USH2A: variants seen among roughly 807,000 people sequenced by gnomAD.
USH2A encodes the protein Usher syndrome 2A (autosomal recessive, mild).
In USH2A, 443 loss-of-function variants were observed where a neutral mutation model predicts 538.9. That is an observed-to-expected ratio of 0.82 (90% CI 0.76 to 0.89). The LOEUF (loss-of-function observed/expected upper bound fraction) is 0.89. USH2A is among the 40% of genes least tolerant of loss of function. USH2A has a pLI of 0.00. For missense variants in USH2A, 6,633 were observed against 6,324.8 expected, an observed-to-expected ratio of 1.05 and a Z score of -1.65; for synonymous variants, 2,413 against 2,273.5, an observed-to-expected ratio of 1.06 and a Z score of -1.75.
chr1:216,336,001 A>C (rs2037967174), intron 4 of USH2A, among the ~76,000 whole-genome samples: 1 of 151,564 alleles, frequency 6.6e-6, no homozygotes, highest in Non-Finnish European at 1.5e-5. Flanking sequence ...CCTTATGAAT[A>C]CAGATGCAAA....
At chr1:215,920,639 G>A (rs998429914) in intron 38 of USH2A, among the ~76,000 whole-genome samples, 1 of 151,928 alleles carries the variant, frequency 6.6e-6, no homozygotes, top group Non-Finnish European at 1.5e-5. Context: ...GAGGAGAAAA[G>A]TTTCTCAAGG....
Position 216,226,182 on chromosome 1 carries a change from A to G in USH2A, c.2993+5771T>C, listed in dbSNP as rs1243473513. On this transcript the variant is annotated intron_variant, in intron 14 of 71. Transcript: ENST00000307340. ...TCAGTTTTATTTTTGTCTTTCACTG[A>G]CCCTTTAAACATATAATATGGAGCT... Among the ~76,000 whole-genome samples, 3 of 152,034 alleles carry G rather than the reference A, an allele frequency of 2.0e-5. 1 individual carries two copies. The highest frequency in any genetic ancestry group is 7.2e-5 in the African/African-American group (3 of 41,394).
intron 21 of USH2A, among the ~76,000 whole-genome samples, chr1:216,105,422 A>G (rs938471211): frequency 1.3e-5 from 2 of 151,952 alleles, no homozygotes; most frequent in African/African-American, 4.8e-5. Flanking sequence ...TACTCGCCCC[A>G]TTGAACTGCC....
intron 64 of USH2A, among the ~76,000 whole-genome samples, chr1:215,661,182 G>A (rs1657424951): frequency 6.6e-6 from 1 of 152,180 alleles, no homozygotes; most frequent in Non-Finnish European, 1.5e-5. Flanking sequence ...GAGTGTGGGG[G>A]ACGAGCTGGT....
intron 44 of USH2A, among the ~76,000 whole-genome samples, chr1:215,850,323 A>T (rs2102827014): frequency 6.6e-6 from 1 of 152,298 alleles, no homozygotes; most frequent in African/African-American, 2.4e-5. Flanking sequence ...TATAGTCGGA[A>T]GATAAAAGCT....
intron 22 of USH2A, among the ~76,000 whole-genome samples, chr1:216,095,071 T>G (rs1334027935): frequency 6.6e-6 from 1 of 152,080 alleles, no homozygotes; most frequent in East Asian, 1.9e-4. Flanking sequence ...ATAGAAGTAT[T>G]AGTTTTGCTT....
chr1:216,152,335 C>T (rs946815733), intron 21 of USH2A, among the ~76,000 whole-genome samples: 2 of 152,160 alleles, frequency 1.3e-5, no homozygotes, highest in Non-Finnish European at 1.5e-5. Flanking sequence ...TAACTGATGA[C>T]ATTCCACCAC....
chr1:216,018,756 A>G (rs1668776622), intron 32 of USH2A, among the ~76,000 whole-genome samples: 1 of 151,982 alleles, frequency 6.6e-6, no homozygotes, highest in African/African-American at 2.4e-5. Context: ...TCTAATTTTA[A>G]AAAATATTTA....
chr1:216,386,369 C>T (rs1303060037), intron 3 of USH2A, among the ~76,000 whole-genome samples: 7 of 150,458 alleles, frequency 4.7e-5, no homozygotes, highest in East Asian at 2.0e-4. Flanking sequence ...TGGTGGCGGG[C>T]GCCTGTAGTC....
chr1:216,365,636 A>G (rs1356419835), intron 3 of USH2A, among the ~76,000 whole-genome samples: 5 of 152,154 alleles, frequency 3.3e-5, no homozygotes, highest in African/African-American at 1.2e-4. Flanking sequence ...AGACTAATCA[A>G]TCAAGCAAGT....
chr1:215,901,717 T>C (rs565966450), intron 38 of USH2A, among the ~76,000 whole-genome samples: 1 of 152,284 alleles, frequency 6.6e-6, no homozygotes, highest in African/African-American at 2.4e-5. Flanking sequence ...AACTAAAGCC[T>C]ATTCTACTAA....
intron 32 of USH2A, among the ~76,000 whole-genome samples, chr1:216,030,877 G>C (rs1200240509): frequency 6.6e-6 from 1 of 150,786 alleles, no homozygotes; most frequent in Non-Finnish European, 1.5e-5. Context: ...ATTATCAAAG[G>C]AATTTTGTCC....
At chr1:215,675,998 T>C (rs1015347047) in intron 62 of USH2A, among the ~76,000 whole-genome samples, 2 of 152,130 alleles carry the variant, frequency 1.3e-5, no homozygotes, top group Non-Finnish European at 1.5e-5. Flanking sequence ...CTGCTTCTGA[T>C]CTCATACTGA....
chr1:216,411,254 C>T (rs1222959756), intron 3 of USH2A, among the ~76,000 whole-genome samples: 2 of 152,084 alleles, frequency 1.3e-5, no homozygotes, highest in Non-Finnish European at 2.9e-5. Context: ...ACACTATTTG[C>T]TATGCATTTA....
chr1:215,892,631 C>T (rs929917038), intron 40 of USH2A, among the ~76,000 whole-genome samples: 2 of 151,902 alleles, frequency 1.3e-5, no homozygotes, highest in Admixed American at 6.6e-5. Flanking sequence ...ATAAAAGATC[C>T]AAATGTAAGA....
At position 216,012,131 on chromosome 1, in the gene USH2A, C is replaced by G. The variant is rs563020622; in HGVS notation, c.6326-11569G>C. On this transcript the variant is annotated intron_variant, in intron 32 of 71. Transcript: ENST00000307340. ...CCTCCCCAGTAGCTGGGACTACAGG[C>G]GCCCACGCTTGATTTATTGATGGCA... 1.1e-3 allele frequency among the ~76,000 whole-genome samples: 36 copies of G among 33,332 alleles called. 14 individuals carry two copies. Among genetic ancestry groups the G allele is most frequent in the African/African-American group, 3.0e-3 (36 of 12,006 alleles). The allele number at this position is 33,332 out of a possible 152,430, so 21.9% of individuals were successfully genotyped here. A position where few individuals can be genotyped will look rare whatever the true frequency, so the allele number is the denominator to read the frequency against.
intron 4 of USH2A, among the ~76,000 whole-genome samples, chr1:216,357,217 G>A (rs976181476): frequency 1.3e-5 from 2 of 152,028 alleles, no homozygotes; most frequent in Non-Finnish European, 1.5e-5. Flanking sequence ...TAACTTGTCT[G>A]ATAATATTGC....
Position 216,323,567 on chromosome 1 carries a change from C to A in USH2A, c.1457G>T (p.Arg486Met). The A allele has an allele frequency of 6.2e-7, 1 of 1,613,408 alleles. No individual in the cohort carries two copies. The highest frequency in any genetic ancestry group is 2.2e-5 in the East Asian group (1 of 44,792). Reference sequence around the variant, plus strand: ...ATAGTACTGCCCATGAAAATGAAACCTTATTTGCGTGGCTTTTACGAACTC... The same window carrying A: ...ATAGTACTGCCCATGAAAATGAAACATTATTTGCGTGGCTTTTACGAACTC... ...LQEFVKATQI[R>M]FHFHGQYYTT... The change falls in exon 8 of 72, where the codon AGG becomes ATG. Residue 486 changes from arginine to methionine, a missense_variant. Transcript: ENST00000307340.
intron 20 of USH2A, among the ~76,000 whole-genome samples, chr1:216,186,992 A>G (rs1254139653): frequency 6.6e-6 from 1 of 151,872 alleles, no homozygotes; most frequent in African/African-American, 2.4e-5. Flanking sequence ...TGTGTACTCT[A>G]CCACCAGGGA....
Sources: allele counts gnomAD v4.1 joint callset (sites outside exome capture counted in the v4.1 genomes callset), GRCh38; gene constraint gnomAD v4.1.1; transcripts MANE v1.5; gene names NCBI Gene and HGNC (gene_info 2026-07-23, HGNC 2026-07-21).